NBR1: variants seen among roughly 807,000 people sequenced by gnomAD.
The protein encoded by NBR1 is NBR1 autophagy cargo receptor.
Under a neutral mutation model 115.5 loss-of-function variants are expected in NBR1, and 59 were observed. The observed-to-expected ratio is 0.51, with a 90% CI of 0.41 to 0.63. The LOEUF (loss-of-function observed/expected upper bound fraction) is 0.63, where lower values mean the gene tolerates loss of function less well. NBR1 is among the 30% of genes least tolerant of loss of function. NBR1 has a pLI of 0.00. For synonymous variants in NBR1, 373 were observed against 414.7 expected, an observed-to-expected ratio of 0.90 and a Z score of 1.22; for missense variants, 1,043 against 1,150.5, an observed-to-expected ratio of 0.91 and a Z score of 1.35.
In NBR1 at chr17:43,209,873, T is replaced by G. The variant is rs2057384704; in HGVS notation, c.2728-28T>G. The G allele has an allele frequency of 2.1e-6, 3 of 1,442,388 alleles. No homozygotes were observed. The East Asian group carries it at 7.6e-5, about 37-fold the overall frequency. The allele number at this position is 1,442,388 out of a possible 1,614,324, so 89.3% of individuals were successfully genotyped here. ...TTAAATTATACAGAATTTTTTTTTT[T>G]TTTTTTGCTTTGCTTGTCTCTACAC... On this transcript the variant is annotated intron_variant, in intron 20 of 20. Coordinates refer to ENST00000590996, the MANE Select transcript of NBR1 (RefSeq NM_005899.5).
At chr17:43,205,020 T>C (rs2057287107) in intron 20 of NBR1, among the ~76,000 whole-genome samples, 1 of 151,612 alleles carries the variant, frequency 6.6e-6, no homozygotes, top group African/African-American at 2.4e-5. Context: ...CCAGAAACTA[T>C]GGGAAACAAG....
intron 10 of NBR1, among the ~76,000 whole-genome samples, chr17:43,191,791 G>A (rs1249779570): frequency 1.1e-4 from 17 of 152,094 alleles, no homozygotes; most frequent in Admixed American, 8.5e-4. Context: ...GTGCGATCTC[G>A]GCTCACTGCC....
At position 43,197,091 on chromosome 17, in the gene NBR1, C is replaced by T; in HGVS notation, c.2011C>T (p.Gln671Ter). ...CCCAGACCACAACCCTCCTTGCAGA[C>T]AGAAGTCCTTGCAGAGTGAGTGTCC... is the stretch of plus-strand genomic sequence containing the variant. The part of the protein sequence containing the change: ...AAPDHNPPCR[Q>*]KSLQMTFALP... The change falls in exon 16 of 21, where the codon CAG becomes TAG. Residue 671 changes from glutamine to a stop codon, truncating the protein, a stop_gained. Transcript: ENST00000590996. LOFTEE classifies it high-confidence loss of function. The T allele has an allele frequency of 6.2e-7, 1 of 1,613,902 alleles. No homozygotes were observed. The highest frequency in any genetic ancestry group is 2.2e-5 in the East Asian group (1 of 44,884).
intron 5 of NBR1, among the ~76,000 whole-genome samples, chr17:43,184,372 C>CTTTTTTTTTTT (rs71160024): frequency 0.57 from 53,761 of 95,010 alleles, 19,897 homozygotes; most frequent in Non-Finnish European, 0.71. Flanking sequence ...AAATACTATT[C>CTTTTTTTTTTT]TTTTTTTTTT....
At chr17:43,185,682 T>C (rs1212810176) in intron 5 of NBR1, among the ~76,000 whole-genome samples, 1 of 151,790 alleles carries the variant, frequency 6.6e-6, no homozygotes, top group Non-Finnish European at 1.5e-5. Context: ...ACAGAGCAAA[T>C]TGCCATCTCA....
At chr17:43,189,178 A>G in intron 7 of NBR1, 59 bp downstream of exon 7, 1 of 1,264,390 alleles carries the variant, frequency 7.9e-7, no homozygotes, top group East Asian at 2.3e-5. Context: ...GGAATGTGGA[A>G]GAAATAGAAA....
chr17:43,192,016 C>T (rs914774088), intron 10 of NBR1, among the ~76,000 whole-genome samples: 5 of 127,016 alleles, frequency 3.9e-5, no homozygotes, highest in Non-Finnish European at 8.0e-5. Context: ...CACACAGCAC[C>T]CGGCTTTTTT....
intron 17 of NBR1, 147 bp from the exon 18 acceptor site, chr17:43,201,539 T>C: frequency 1.6e-6 from 1 of 620,994 alleles, no homozygotes; most frequent in East Asian, 2.8e-5. Flanking sequence ...GCCCTTATGA[T>C]GGAACCCTAA....
chr17:43,204,252 C>T (rs1331113303), intron 20 of NBR1, among the ~76,000 whole-genome samples: 4 of 151,930 alleles, frequency 2.6e-5, no homozygotes, highest in African/African-American at 4.8e-5. Context: ...CTGCCACTTT[C>T]TAACTATATG....
intron 5 of NBR1, 42 bp downstream of exon 5, chr17:43,180,859 A>G (rs1390069584): frequency 2.2e-6 from 3 of 1,360,628 alleles, no homozygotes; most frequent in South Asian, 1.6e-5. Flanking sequence ...TTTAAAAAAT[A>G]TTATTATGGG....
chr17:43,204,201 G>A (rs1007588970), intron 20 of NBR1, among the ~76,000 whole-genome samples: 15 of 151,778 alleles, frequency 9.9e-5, no homozygotes, highest in Non-Finnish European at 1.0e-4. Flanking sequence ...GCCTCCCAAA[G>A]TGCTGGGATT....
chr17:43,182,546 A>G (rs2056697475), intron 5 of NBR1, among the ~76,000 whole-genome samples: 1 of 150,944 alleles, frequency 6.6e-6, no homozygotes, highest in Admixed American at 6.6e-5. Context: ...TCTATAGCCC[A>G]TACAATGTTA....
At chr17:43,185,087 C>CAAA (rs1567850917) in intron 5 of NBR1, among the ~76,000 whole-genome samples, 2 of 116,518 alleles carry the variant, frequency 1.7e-5, no homozygotes, top group African/African-American at 6.3e-5. Context: ...GACTCCACCT[C>CAAA]AAAAAAAAGA....
At position 43,189,605 on chromosome 17, in the gene NBR1, T is replaced by C. The variant is rs760748555; in HGVS notation, c.498T>C (p.Val166=). 6.2e-7 allele frequency: 1 copy of C among 1,613,946 alleles called. No homozygotes were observed. Among genetic ancestry groups the C allele is most frequent in the South Asian group, 1.1e-5 (1 of 91,084 alleles). Reference sequence around the variant, plus strand: ...TATTCTAGTTCAGAGAACAAGTGGTTAACGAAACGGTTGAGAAGCTTGAAC... The same window carrying C: ...TATTCTAGTTCAGAGAACAAGTGGTCAACGAAACGGTTGAGAAGCTTGAAC... ...SYLETFREQV[V]NETVEKLEQK... The change falls in exon 8 of 21, where the codon GTT becomes GTC. Residue 166 remains valine, a synonymous_variant. Transcript: ENST00000590996.
At chr17:43,190,425 A>C in intron 8 of NBR1, 184 bp from the exon 9 acceptor site, 2 of 617,134 alleles carry the variant, frequency 3.2e-6, no homozygotes, top group Non-Finnish European at 5.7e-6. Flanking sequence ...TAAAATGGAT[A>C]TGGGTTAAGT....
chr17:43,187,828 G>C (rs565356412), intron 6 of NBR1, among the ~76,000 whole-genome samples: 20 of 148,790 alleles, frequency 1.3e-4, no homozygotes, highest in Admixed American at 1.3e-4. Context: ...ACTTTTTAAT[G>C]ATTGCCATTC....
chr17:43,195,336 C>G lies in NBR1; in HGVS notation c.1750+297C>G. On this transcript the variant is annotated intron_variant, in intron 14 of 20. Transcript: ENST00000590996. Reference sequence around the variant, plus strand: ...GGGCAACATGGTGAAACCCCCATCTCTACAAAAATTACTTTTAAAAATTAG... The same window carrying G: ...GGGCAACATGGTGAAACCCCCATCTGTACAAAAATTACTTTTAAAAATTAG... 8.5e-6 allele frequency: 3 copies of G among 354,444 alleles called. No homozygotes were observed. In the South Asian group the frequency reaches 8.7e-5, roughly 10 times the overall value. The allele number at this position is 354,444 out of a possible 1,614,324, so 22.0% of individuals were successfully genotyped here. A position where few individuals can be genotyped will look rare whatever the true frequency, so the allele number is the denominator to read the frequency against.
At chr17:43,193,274 C>A in intron 11 of NBR1, 21 bp downstream of exon 11, 1 of 1,613,516 alleles carries the variant, frequency 6.2e-7, no homozygotes, top group Non-Finnish European at 8.5e-7. Flanking sequence ...CCACAAAATG[C>A]AAAGATGAGG....
At chr17:43,177,269 C>A (rs1161147778) in intron 2 of NBR1, among the ~76,000 whole-genome samples, 2 of 102,872 alleles carry the variant, frequency 1.9e-5, no homozygotes, top group Non-Finnish European at 2.0e-5. Context: ...TGAGACCCAT[C>A]TCAAAAAAAA....
Sources: gnomAD v4.1 joint callset for allele counts (sites outside exome capture counted in the v4.1 genomes callset) on GRCh38, gnomAD v4.1.1 for gene constraint, MANE v1.5 for transcripts, NCBI Gene and HGNC (gene_info 2026-07-23, HGNC 2026-07-21) for gene names.